ABCG2: variants seen among roughly 807,000 people sequenced by gnomAD.
ABCG2 encodes ATP binding cassette subfamily G member 2 (JR blood group), also known as broad substrate specificity ATP-binding cassette transporter ABCG2.
Under a neutral mutation model 73.5 loss-of-function variants are expected in ABCG2, and 80 were observed. The ratio of observed to expected loss-of-function variants is 1.09; its 90% CI spans 0.91 to 1.31. The LOEUF is 1.31. ABCG2 is among the 50% of genes most tolerant of loss of function. The pLI is 0.00. For synonymous variants in ABCG2, 269 were observed against 282.4 expected, an observed-to-expected ratio of 0.95 and a Z score of 0.48; for missense variants, 796 against 786.2, an observed-to-expected ratio of 1.01 and a Z score of -0.15.
At chr4:88,194,282 G>A (rs1190097983) in intron 1 of ABCG2, among the ~76,000 whole-genome samples, 2 of 151,446 alleles carry the variant, frequency 1.3e-5, no homozygotes, top group Admixed American at 1.3e-4. Flanking sequence ...CGGGCACTGT[G>A]GCTCACGCCT....
intron 1 of ABCG2, among the ~76,000 whole-genome samples, chr4:88,165,859 G>A (rs1176861456): frequency 1.3e-5 from 2 of 151,702 alleles, no homozygotes; most frequent in African/African-American, 4.9e-5. Context: ...GGGCAACAGA[G>A]TGAGACTCCA....
intron 6 of ABCG2, among the ~76,000 whole-genome samples, chr4:88,121,325 G>T (rs1723953133): frequency 6.6e-6 from 1 of 152,142 alleles, no homozygotes; most frequent in Non-Finnish European, 1.5e-5. Flanking sequence ...ACTACAAAAT[G>T]TTCAGTGTTA....
At chr4:88,192,091 G>A (rs540404916) in intron 1 of ABCG2, among the ~76,000 whole-genome samples, 100 of 151,810 alleles carry the variant, frequency 6.6e-4, no homozygotes, top group African/African-American at 2.2e-3. Flanking sequence ...TGAGACATGA[G>A]AATCACTTGA....
chr4:88,188,392 T>C (rs1001281865), intron 1 of ABCG2, among the ~76,000 whole-genome samples: 17 of 152,268 alleles, frequency 1.1e-4, no homozygotes, highest in Admixed American at 1.1e-3. Flanking sequence ...CTTTGTTTTT[T>C]TTTTTAATTT....
At chr4:88,174,216 C>T (rs1366180526) in intron 1 of ABCG2, among the ~76,000 whole-genome samples, 2 of 150,884 alleles carry the variant, frequency 1.3e-5, no homozygotes, top group Non-Finnish European at 2.9e-5. Flanking sequence ...AGGTTTGTTA[C>T]ATAGGTATAC....
rs189276237 is a variant in ABCG2 at position 88,146,390 on chromosome 4, A to C, written c.-19-6376T>G. On this transcript the variant is annotated intron_variant, in intron 1 of 15. Transcript: ENST00000237612. Reference sequence around the variant, plus strand: ...AGTCTAGGACAAATCCATATGACTGAGGCTTTTTTTTTTCTTTTTTCAAGA... The same window carrying C: ...AGTCTAGGACAAATCCATATGACTGCGGCTTTTTTTTTTCTTTTTTCAAGA... Among the ~76,000 whole-genome samples, 327 of 151,352 alleles carry C rather than the reference A, an allele frequency of 2.2e-3. 3 individuals carry two copies. The highest frequency in any genetic ancestry group is 7.6e-3 in the African/African-American group (314 of 41,214).
intron 7 of ABCG2, among the ~76,000 whole-genome samples, chr4:88,117,562 G>A (rs540482636): frequency 9.9e-5 from 15 of 152,188 alleles, no homozygotes; most frequent in South Asian, 4.1e-4. Context: ...GTGTGAACCC[G>A]AGAGGCAGAG....
intron 1 of ABCG2, among the ~76,000 whole-genome samples, chr4:88,141,645 C>A (rs183489883): frequency 4.1e-4 from 63 of 152,274 alleles, no homozygotes; most frequent in African/African-American, 1.5e-3. Context: ...AAGATATCAT[C>A]CAAATTTTCA....
chr4:88,156,808 T>C (rs1276149760), intron 1 of ABCG2, among the ~76,000 whole-genome samples: 1 of 152,114 alleles, frequency 6.6e-6, no homozygotes. Flanking sequence ...ACATCATAGG[T>C]AATAAGAAGT....
At position 88,095,527 on chromosome 4, in the gene ABCG2, C is replaced by T; in HGVS notation, c.1730G>A (p.Gly577Glu). Residue 577 changes from glycine to glutamate, a missense_variant, in exon 14 of 16, where the codon GGA becomes GAA. Gly to Glu is a moderately conservative substitution (Grantham distance 98). Coordinates refer to ENST00000237612, the MANE Select transcript of ABCG2 (RefSeq NM_004827.3). ...CAGACAAGGAAGACATACCGTAAAT[C>T]CATATCGTGGAATGCTGAAGTACTG... ...WLQYFSIPRY[G>E]FTALQHNEFL... 1 of 1,612,896 alleles carries T rather than the reference C, an allele frequency of 6.2e-7. No homozygotes were observed. The highest frequency in any genetic ancestry group is 8.5e-7 in the Non-Finnish European group (1 of 1,179,006).
chr4:88,188,446 C>G (rs1372857060), intron 1 of ABCG2, among the ~76,000 whole-genome samples: 2 of 151,836 alleles, frequency 1.3e-5, no homozygotes, highest in Non-Finnish European at 2.9e-5. Context: ...TGGTTACAAA[C>G]TCCTGATCCT....
At chr4:88,139,140 CAA>C (rs35885773) in intron 2 of ABCG2, among the ~76,000 whole-genome samples, 19 of 102,494 alleles carry the variant, frequency 1.9e-4, no homozygotes, top group Middle Eastern at 5.2e-3. Context: ...GACTCCCTCT[CAA>C]AAAAAAAAAA....
chr4:88,097,113 T>A (rs1722035158), intron 13 of ABCG2, among the ~76,000 whole-genome samples: 1 of 152,202 alleles, frequency 6.6e-6, no homozygotes, highest in South Asian at 2.1e-4. Context: ...TCTGTAATTC[T>A]CAAGAGAATC....
At chr4:88,186,348 G>A (rs1221252044) in intron 1 of ABCG2, among the ~76,000 whole-genome samples, 1 of 152,200 alleles carries the variant, frequency 6.6e-6, no homozygotes, top group Non-Finnish European at 1.5e-5. Context: ...CAGAACGGTG[G>A]TTAGGGGCCA....
intron 1 of ABCG2, among the ~76,000 whole-genome samples, chr4:88,154,981 C>T (rs149246097): frequency 0.048 from 7,257 of 152,146 alleles, 226 homozygotes; most frequent in Middle Eastern, 0.068. Context: ...CTACAGGACG[C>T]GATCCTGGTC....
rs70957302 is a variant in ABCG2 at position 88,125,607 on chromosome 4, C to CAAAAAAAAAAA, written c.532-3826_532-3816dup. ...TGGGCAACAGAGCAAGACTCTGTCT[C>CAAAAAAAAAAA]AAAAAAAAAAAAAAAAAAAAAAAAA... On this transcript the variant is annotated intron_variant, in intron 5 of 15. Coordinates refer to ENST00000237612, the MANE Select transcript of ABCG2 (RefSeq NM_004827.3). 4.9e-4 allele frequency among the ~76,000 whole-genome samples: 17 copies of CAAAAAAAAAAA among 34,978 alleles called. 1 individual carries two copies. The highest frequency in any genetic ancestry group is 3.3e-3 in the East Asian group (3 of 896). 22.9% of individuals were successfully genotyped at this position (34,978 alleles called of 152,430 possible). A position where few individuals can be genotyped will look rare whatever the true frequency, so the allele number is the denominator to read the frequency against.
At chr4:88,153,231 G>T in intron 1 of ABCG2, among the ~76,000 whole-genome samples, 1 of 151,960 alleles carries the variant, frequency 6.6e-6, no homozygotes, top group East Asian at 1.9e-4. Flanking sequence ...AACAAGAGCG[G>T]GCATGTATGA....
At chr4:88,097,635 A>T (rs747465448) in intron 12 of ABCG2, 28 bp from the exon 13 acceptor site, 1 of 1,611,500 alleles carries the variant, frequency 6.2e-7, no homozygotes, top group South Asian at 1.1e-5. Flanking sequence ...GAAGTAGTTA[A>T]CCCAACTGCC....
intron 1 of ABCG2, among the ~76,000 whole-genome samples, chr4:88,212,079 C>T (rs1220128404): frequency 1.1e-4 from 16 of 152,152 alleles, no homozygotes; most frequent in Admixed American, 6.5e-4. Context: ...TAGTAGTGGC[C>T]TCTTCCTCTC....
Sources: allele counts gnomAD v4.1 joint callset (sites outside exome capture counted in the v4.1 genomes callset), GRCh38; gene constraint gnomAD v4.1.1; transcripts MANE v1.5; gene names NCBI Gene and HGNC (gene_info 2026-07-23, HGNC 2026-07-21).